The following FBXL17 variants were observed in gnomAD, a reference collection of about 807,000 sequenced individuals.
The protein encoded by FBXL17 is F-box and leucine rich repeat protein 17, also known as F-box/LRR-repeat protein 17.
A neutral mutation model predicts 66.2 loss-of-function variants in FBXL17; 22 were observed. The ratio of observed to expected loss-of-function variants is 0.33; its 90% CI spans 0.24 to 0.47. The LOEUF (loss-of-function observed/expected upper bound fraction) is 0.47. Among genes scored for constraint, FBXL17 ranks in the 20% least tolerant of loss-of-function variants. FBXL17 has a pLI of 1.00. For missense variants in FBXL17, 878 were observed against 948.2 expected (o/e 0.93, Z 0.97); for synonymous variants, 474 against 400.5 (o/e 1.18, Z -2.19).
At chr5:108,162,773 C>T (rs765708555) in intron 6 of FBXL17, among the ~76,000 whole-genome samples, 2 of 152,012 alleles carry the variant, frequency 1.3e-5, no homozygotes, top group African/African-American at 2.4e-5. Flanking sequence ...ACAGGGTTAT[C>T]GGAAATTTAA....
intron 8 of FBXL17, among the ~76,000 whole-genome samples, chr5:107,874,487 C>A (rs890997299): frequency 6.6e-6 from 1 of 152,100 alleles, no homozygotes; most frequent in African/African-American, 2.4e-5. Context: ...CATTATCATC[C>A]CCATTTTTCA....
chr5:108,004,674 C>G (rs1431258831), intron 7 of FBXL17, among the ~76,000 whole-genome samples: 1 of 152,136 alleles, frequency 6.6e-6, no homozygotes, highest in Non-Finnish European at 1.5e-5. Flanking sequence ...CAGTTTTCTT[C>G]TGAATGAAAA....
Position 108,305,392 on chromosome 5 carries a change from G to T in FBXL17, c.1506+43007C>A, listed in dbSNP as rs938713234. Among the ~76,000 whole-genome samples, 46 of 152,032 alleles carry T rather than the reference G, an allele frequency of 3.0e-4. 1 individual carries two copies. In the East Asian group the frequency reaches 8.5e-3, roughly 28 times the overall value. On this transcript the variant is annotated intron_variant, in intron 4 of 8. Transcript: ENST00000542267. ...GCTGGACTTAATAACTAGGTGATGA[G>T]ATTATCTGTGCAGCACACCACCATG... is the stretch of plus-strand genomic sequence containing the variant.
chr5:107,980,846 C>A (rs74728989), intron 7 of FBXL17, among the ~76,000 whole-genome samples: 3 of 147,850 alleles, frequency 2.0e-5, no homozygotes, highest in Non-Finnish European at 3.0e-5. Context: ...TTAGTAAAGA[C>A]GGGGTTTCAC....
At chr5:108,032,754 G>C (rs917899661) in intron 6 of FBXL17, among the ~76,000 whole-genome samples, 3 of 152,174 alleles carry the variant, frequency 2.0e-5, no homozygotes, top group Non-Finnish European at 4.4e-5. Flanking sequence ...ACTATTGTGA[G>C]AGAAAATGTT....
intron 5 of FBXL17, 144 bp from the exon 6 acceptor site, chr5:108,186,391 G>T: frequency 1.6e-6 from 1 of 616,448 alleles, no homozygotes; most frequent in Non-Finnish European, 2.7e-6. Flanking sequence ...TAAAGATATT[G>T]TATATGTAAT....
chr5:108,127,102 G>T (rs1483614594), intron 6 of FBXL17, among the ~76,000 whole-genome samples: 1 of 152,060 alleles, frequency 6.6e-6, no homozygotes, highest in African/African-American at 2.4e-5. Context: ...TTTTTAGTTT[G>T]CTTGTGCAAA....
chr5:108,115,976 G>A lies in FBXL17; in HGVS notation c.1745+70141C>T, dbSNP rs576478158. Among the ~76,000 whole-genome samples the A allele has an allele frequency of 1.2e-4, 18 of 152,228 alleles. No individual in the cohort carries two copies. In the South Asian group the frequency reaches 1.4e-3, roughly 12 times the overall value. On this transcript the variant is annotated intron_variant, in intron 6 of 8. Transcript: ENST00000542267. ...CTGACCACCTTCCATGACTGTTTTT[G>A]TTTGTTTTTAAGCTAAATAACCATT...
At chr5:108,048,718 G>A (rs1031150620) in intron 6 of FBXL17, among the ~76,000 whole-genome samples, 1 of 152,084 alleles carries the variant, frequency 6.6e-6, no homozygotes, top group Non-Finnish European at 1.5e-5. Context: ...GAGTCTGAAG[G>A]CCACCTTGCT....
intron 4 of FBXL17, among the ~76,000 whole-genome samples, chr5:108,227,721 T>C (rs1171536378): frequency 6.6e-6 from 1 of 152,196 alleles, no homozygotes; most frequent in Non-Finnish European, 1.5e-5. Context: ...AAAAGATTAA[T>C]TCTCCCCTCA....
intron 4 of FBXL17, among the ~76,000 whole-genome samples, chr5:108,243,720 A>C (rs572179286): frequency 3.3e-5 from 5 of 152,350 alleles, no homozygotes; most frequent in Non-Finnish European, 5.9e-5. Context: ...ACTAAAAAAG[A>C]AATGTACAAG....
chr5:108,368,361 G>C (rs1289856714), intron 1 of FBXL17, among the ~76,000 whole-genome samples: 2 of 151,916 alleles, frequency 1.3e-5, no homozygotes, highest in African/African-American at 4.8e-5. Context: ...TTTACAGTTT[G>C]ACCTTGGAGC....
intron 4 of FBXL17, among the ~76,000 whole-genome samples, chr5:108,276,011 C>T (rs1393894541): frequency 6.6e-6 from 1 of 152,104 alleles, no homozygotes; most frequent in Non-Finnish European, 1.5e-5. Context: ...AAATTTTTAA[C>T]ACTGCATTAA....
intron 4 of FBXL17, among the ~76,000 whole-genome samples, chr5:108,224,799 T>C (rs865943686): frequency 2.4e-4 from 37 of 152,246 alleles, no homozygotes; most frequent in Middle Eastern, 3.4e-3. Flanking sequence ...TGTTTTGTTT[T>C]GTATTTTTAG....
chr5:108,224,113 G>GTACC lies in FBXL17; in HGVS notation c.1614+4_1614+7dup. 6.7e-7 allele frequency: 1 copy of GTACC among 1,484,094 alleles called. No individual in the cohort carries two copies. Among genetic ancestry groups the GTACC allele is most frequent in the Non-Finnish European group, 9.4e-7 (1 of 1,065,938 alleles). 91.9% of individuals were successfully genotyped at this position (1,484,094 alleles called of 1,614,324 possible). A position where few individuals can be genotyped will look rare whatever the true frequency, so the allele number is the denominator to read the frequency against. On this transcript the variant is annotated splice_region_variant and intron_variant, in intron 5 of 8. Coordinates refer to ENST00000542267, the MANE Select transcript of FBXL17 (RefSeq NM_001163315.3). ...AAAATACCAAGGAAAAGCAGCCATAGTACCTACCTTGGTTAGGTGAATGAC... is the reference window on the plus strand; with the variant it reads ...AAAATACCAAGGAAAAGCAGCCATAGTACCTACCTACCTTGGTTAGGTGAATGAC...
At chr5:108,137,426 C>T (rs1751180387) in intron 6 of FBXL17, among the ~76,000 whole-genome samples, 1 of 152,018 alleles carries the variant, frequency 6.6e-6, no homozygotes, top group Non-Finnish European at 1.5e-5. Flanking sequence ...CCTTATCTCC[C>T]CAACACCCAC....
chr5:108,091,934 A>G lies in FBXL17; in HGVS notation c.1746-70933T>C, dbSNP rs148615208. On this transcript the variant is annotated intron_variant, in intron 6 of 8. Transcript: ENST00000542267. ...AAATGAAATATTTAGTTTTAGTAACAGTAAAATAATATATAACAGCATGTT... is the reference window on the plus strand; with the variant it reads ...AAATGAAATATTTAGTTTTAGTAACGGTAAAATAATATATAACAGCATGTT... Among the ~76,000 whole-genome samples the G allele has an allele frequency of 5.7e-3, 876 of 152,356 alleles. 3 individuals carry two copies. The highest frequency in any genetic ancestry group is 9.5e-3 in the Non-Finnish European group (649 of 68,034).
chr5:107,882,970 A>G (rs939072415), intron 7 of FBXL17, among the ~76,000 whole-genome samples: 1 of 152,190 alleles, frequency 6.6e-6, no homozygotes. Context: ...AAGAGTCAAT[A>G]GCTATTGATT....
chr5:107,903,558 C>T (rs1206958251), intron 7 of FBXL17, among the ~76,000 whole-genome samples: 1 of 152,092 alleles, frequency 6.6e-6, no homozygotes, highest in African/African-American at 2.4e-5. Flanking sequence ...TGTTTACAGT[C>T]ATGCAGTTAG....
Sources: gnomAD v4.1 joint callset for allele counts (sites outside exome capture counted in the v4.1 genomes callset) on GRCh38, gnomAD v4.1.1 for gene constraint, MANE v1.5 for transcripts, NCBI Gene and HGNC (gene_info 2026-07-23, HGNC 2026-07-21) for gene names.